The following FAM227A variants were observed in gnomAD, a reference collection of about 807,000 sequenced individuals.
FAM227A encodes family with sequence similarity 227 member A.
FAM227A carries 80 observed loss-of-function variants against 74.7 expected under a neutral mutation model. The observed-to-expected ratio is 1.07, with a 90% CI of 0.89 to 1.29. The LOEUF (loss-of-function observed/expected upper bound fraction) is 1.29. Ranked by LOEUF, FAM227A falls within the 50% of genes most tolerant of loss-of-function variation. The probability of loss-of-function intolerance (pLI) is 0.00; values close to 1 mark genes in which losing one functional copy is unlikely to be tolerated. For synonymous variants in FAM227A, 237 were observed against 241.8 expected (o/e 0.98, Z 0.19); for missense variants, 654 against 683.4 (o/e 0.96, Z 0.48).
intron 3 of FAM227A, among the ~76,000 whole-genome samples, chr22:38,642,243 C>G (rs1014735841): frequency 7.9e-5 from 12 of 152,186 alleles, no homozygotes; most frequent in African/African-American, 2.9e-4. Flanking sequence ...AGAATGCCAA[C>G]TGGCAGGAGA....
intron 15 of FAM227A, among the ~76,000 whole-genome samples, chr22:38,594,805 G>A (rs1477191699): frequency 1.3e-5 from 2 of 151,760 alleles, no homozygotes; most frequent in Non-Finnish European, 1.5e-5. Context: ...TACTAAAAAT[G>A]CAAAATTAAA....
intron 2 of FAM227A, among the ~76,000 whole-genome samples, chr22:38,649,794 G>A (rs533611740): frequency 1.3e-4 from 20 of 151,650 alleles, no homozygotes; most frequent in African/African-American, 4.8e-4. Context: ...CTCGAACCTG[G>A]GAGGTAGAGG....
intron 11 of FAM227A, among the ~76,000 whole-genome samples, chr22:38,613,084 A>ATATATATATATTATATATAAT (rs1238031066): frequency 3.4e-5 from 3 of 87,182 alleles, no homozygotes; most frequent in African/African-American, 4.6e-5. Flanking sequence ...ATATATAATT[A>ATATATATATATTATATATAAT]TATATATATA....
intron 3 of FAM227A, among the ~76,000 whole-genome samples, chr22:38,642,518 G>A (rs1310158445): frequency 6.6e-6 from 1 of 152,168 alleles, no homozygotes; most frequent in Non-Finnish European, 1.5e-5. Flanking sequence ...GAAATGATAA[G>A]TTAGATTTCG....
intron 5 of FAM227A, among the ~76,000 whole-genome samples, chr22:38,637,997 T>C (rs1023832653): frequency 2.0e-5 from 3 of 152,052 alleles, no homozygotes; most frequent in Non-Finnish European, 4.4e-5. Context: ...TGAAACCCCA[T>C]CTCTACCAAA....
rs192504111 is a variant in FAM227A at position 38,595,530 on chromosome 22, A to T, written c.1532+1674T>A. Reference sequence around the variant, plus strand: ...TTTGCAACCTTAAATGTAATAGTTAATCAGGCAAAGACCACTGATGAGTGC... The same window carrying T: ...TTTGCAACCTTAAATGTAATAGTTATTCAGGCAAAGACCACTGATGAGTGC... On this transcript the variant is annotated intron_variant, in intron 15 of 16. Transcript: ENST00000535113. Among the ~76,000 whole-genome samples, 258 of 152,378 alleles carry T rather than the reference A, an allele frequency of 1.7e-3. 2 individuals are homozygous for T. The highest frequency in any genetic ancestry group is 2.6e-3 in the Admixed American group (40 of 15,310).
chr22:38,619,622 C>T (rs1408707551), intron 11 of FAM227A, among the ~76,000 whole-genome samples: 2 of 152,106 alleles, frequency 1.3e-5, no homozygotes, highest in African/African-American at 4.8e-5. Flanking sequence ...CTGTGCCTGG[C>T]CTGGAAGTAG....
intron 1 of FAM227A, among the ~76,000 whole-genome samples, chr22:38,651,910 T>A (rs902012690): frequency 6.6e-6 from 1 of 151,406 alleles, no homozygotes; most frequent in Non-Finnish European, 1.5e-5. Context: ...ATATTTGGGC[T>A]GGGCGTGGTG....
chr22:38,600,873 A>G (rs1254247852), intron 13 of FAM227A, among the ~76,000 whole-genome samples: 1 of 151,668 alleles, frequency 6.6e-6, no homozygotes, highest in Non-Finnish European at 1.5e-5. Context: ...AATCACTTGA[A>G]TCTGGGAGGC....
chr22:38,616,161 A>G (rs918579932), intron 11 of FAM227A, among the ~76,000 whole-genome samples: 2 of 152,196 alleles, frequency 1.3e-5, no homozygotes, highest in African/African-American at 4.8e-5. Context: ...GAGGAAGGAA[A>G]ACACTGTCAA....
At position 38,578,170 on chromosome 22, in the gene FAM227A, TTA is replaced by T. The variant is rs758223627; in HGVS notation, c.*7953_*7954del. ...TTACCCCAGTATTGTGTACTATATT[TTA>T]TATGACTGGCAGGCAACACAGTACA... On this transcript the variant is annotated 3_prime_UTR_variant, in exon 17 of 17. Coordinates refer to ENST00000535113, the MANE Select transcript of FAM227A (RefSeq NM_001013647.2). 1 of 152,190 alleles carries T rather than the reference TTA, an allele frequency of 6.6e-6. No individual in the cohort carries two copies. The highest frequency in any genetic ancestry group is 1.5e-5 in the Non-Finnish European group (1 of 68,042). 9.4% of individuals were successfully genotyped at this position (152,190 alleles called of 1,614,324 possible). A position where few individuals can be genotyped will look rare whatever the true frequency, so the allele number is the denominator to read the frequency against.
chr22:38,621,587 A>AG (rs2091692854), intron 10 of FAM227A, among the ~76,000 whole-genome samples: 1 of 152,206 alleles, frequency 6.6e-6, no homozygotes. Flanking sequence ...CCTGGGCGAC[A>AG]GAGCAAGACT....
At chr22:38,620,757 C>A (rs1347402871) in intron 10 of FAM227A, among the ~76,000 whole-genome samples, 1 of 150,476 alleles carries the variant, frequency 6.6e-6, no homozygotes, top group East Asian at 2.0e-4. Flanking sequence ...TGCAGTGAGC[C>A]GAGATTGCGT....
rs949997937 is a variant in FAM227A at position 38,582,403 on chromosome 22, T to G, written c.*3722A>C. On this transcript the variant is annotated 3_prime_UTR_variant, in exon 17 of 17. Coordinates refer to ENST00000535113, the MANE Select transcript of FAM227A (RefSeq NM_001013647.2). Reference sequence around the variant, plus strand: ...TGAGAGTATGGGTTTTCAGCAACACTGGGAATGACAGAATTAGAATATCAT... The same window carrying G: ...TGAGAGTATGGGTTTTCAGCAACACGGGGAATGACAGAATTAGAATATCAT... 1.3e-6 allele frequency: 2 copies of G among 1,550,226 alleles called. No individual in the cohort carries two copies. The highest frequency in any genetic ancestry group is 2.7e-5 in the African/African-American group (2 of 73,034).
In FAM227A at chr22:38,582,317, G is replaced by C. The variant is rs1426687344; in HGVS notation, c.*3808C>G. On this transcript the variant is annotated 3_prime_UTR_variant, in exon 17 of 17. Transcript: ENST00000535113. ...CAATTCATAAGCAATTCAAAATCAG[G>C]ACTATAGGATTTTAACTTCATCTCT... 6 of 1,541,432 alleles carry C rather than the reference G, an allele frequency of 3.9e-6. No individual in the cohort carries two copies. Among genetic ancestry groups the C allele is most frequent in the Middle Eastern group, 3.4e-4 (2 of 5,872 alleles).
At position 38,638,670 on chromosome 22, in the gene FAM227A, C is replaced by A. The variant is rs115726891; in HGVS notation, c.372+76G>T. 4 of 1,083,960 alleles carry A rather than the reference C, an allele frequency of 3.7e-6. No homozygotes were observed. In the African/African-American group the frequency reaches 6.3e-5, roughly 17 times the overall value. 67.1% of individuals were successfully genotyped at this position (1,083,960 alleles called of 1,614,324 possible). On this transcript the variant is annotated intron_variant, in intron 5 of 16. Transcript: ENST00000535113. ...TCACTACCCAGGCACCAAGTATTCT[C>A]CTCCCCAGGAATAAAATCTTTATTT...
intron 11 of FAM227A, among the ~76,000 whole-genome samples, chr22:38,618,841 G>C (rs928589849): frequency 6.6e-6 from 1 of 152,102 alleles, no homozygotes; most frequent in Non-Finnish European, 1.5e-5. Context: ...TGTGAAGGTA[G>C]TTGTAGACAA....
At chr22:38,617,317 A>T (rs1453414329) in intron 11 of FAM227A, among the ~76,000 whole-genome samples, 1 of 135,124 alleles carries the variant, frequency 7.4e-6, no homozygotes, top group African/African-American at 2.8e-5. Flanking sequence ...TTTTTTTGAG[A>T]CAGAGTCTTG....
chr22:38,644,820 G>A (rs4821803), intron 3 of FAM227A, among the ~76,000 whole-genome samples: 44,777 of 151,976 alleles, frequency 0.29, 6,663 homozygotes, highest in East Asian at 0.36. Context: ...GGGCGTGGTG[G>A]CTCACGCCTG....
Sources: allele counts gnomAD v4.1 joint callset (sites outside exome capture counted in the v4.1 genomes callset), GRCh38; gene constraint gnomAD v4.1.1; transcripts MANE v1.5; gene names NCBI Gene and HGNC (gene_info 2026-07-23, HGNC 2026-07-21).